Variants in PCDH11Y observed in about 807,000 individuals in gnomAD.
PCDH11Y encodes protocadherin 11 Y-linked, also known as protocadherin-11 Y-linked.
For synonymous variants in PCDH11Y, 9 were observed against 83.6 expected (o/e 0.11, Z 4.87); for missense variants, 12 against 224.8 (o/e 0.05, Z 6.05).
At chrY:5,243,945 G>C in intron 2 of PCDH11Y, among the ~76,000 whole-genome samples, 3 of 31,534 alleles carry the variant, frequency 9.5e-5, no homozygotes, top group South Asian at 7.1e-4. Context: ...TCTACAGAAA[G>C]TTCCATTCAA....
chrY:5,093,100 T>C, intron 1 of PCDH11Y, among the ~76,000 whole-genome samples: 3 of 33,221 alleles, frequency 9.0e-5, no homozygotes, highest in Admixed American at 8.3e-4. Context: ...TGGCAATGAA[T>C]ATCCTTTATC....
intron 2 of PCDH11Y, among the ~76,000 whole-genome samples, chrY:5,344,958 G>C (rs2053150500): frequency 2.9e-5 from 1 of 34,931 alleles, no homozygotes; most frequent in Non-Finnish European, 7.2e-5. Context: ...GCGCCACCGC[G>C]CCTGGCCACC....
chrY:5,220,410 C>CTTT, intron 2 of PCDH11Y, among the ~76,000 whole-genome samples: 23 of 13,684 alleles, frequency 1.7e-3, no homozygotes, highest in Admixed American at 7.1e-4. Context: ...GTATTATCTT[C>CTTT]TTTTTTTTTT....
intron 2 of PCDH11Y, among the ~76,000 whole-genome samples, chrY:5,123,400 C>A: frequency 3.1e-5 from 1 of 32,747 alleles, no homozygotes; most frequent in Admixed American, 2.9e-4. Flanking sequence ...ACAAACAAAA[C>A]TAGGAGACTG....
chrY:5,107,925 G>A (rs2124638161), downstream of PCDH11Y, among the ~76,000 whole-genome samples: 2 of 31,758 alleles, frequency 6.3e-5, no homozygotes, highest in Non-Finnish European at 1.5e-4. Flanking sequence ...CGGGCGTGGT[G>A]GCGGGCGCCT....
intron 2 of PCDH11Y, among the ~76,000 whole-genome samples, chrY:5,236,578 A>G: frequency 3.1e-5 from 1 of 32,576 alleles, no homozygotes; most frequent in Non-Finnish European, 7.5e-5. Flanking sequence ...TTCAAAAGTC[A>G]ATCTTGACAT....
chrY:5,299,369 T>C, intron 2 of PCDH11Y, among the ~76,000 whole-genome samples: 1 of 33,715 alleles, frequency 3.0e-5, no homozygotes, highest in South Asian at 6.4e-4. Flanking sequence ...ATGAATCATT[T>C]ATTAATTTGT....
At chrY:5,080,535 C>G in intron 1 of PCDH11Y, among the ~76,000 whole-genome samples, 1 of 32,621 alleles carries the variant, frequency 3.1e-5, no homozygotes, top group African/African-American at 1.2e-4. Context: ...TGGCCGGAAT[C>G]TGTATTTTGT....
At chrY:5,067,807 T>C in intron 1 of PCDH11Y, among the ~76,000 whole-genome samples, 1 of 30,869 alleles carries the variant, frequency 3.2e-5, no homozygotes, top group Admixed American at 3.1e-4. Flanking sequence ...GGTCAGGAGA[T>C]TGAGACCATC....
chrY:5,073,332 A>C (rs2052702913), intron 1 of PCDH11Y, among the ~76,000 whole-genome samples: 10 of 33,310 alleles, frequency 3.0e-4, no homozygotes. Context: ...CTAAGTCAAA[A>C]GCTTCGCTTT....
At chrY:5,625,995 T>C (rs2053506926) in intron 4 of PCDH11Y, among the ~76,000 whole-genome samples, 1 of 31,402 alleles carries the variant, frequency 3.2e-5, no homozygotes, top group Admixed American at 3.0e-4. Context: ...AGCTCTTCTC[T>C]ATACGTATGT....
chrY:5,368,739 G>A, intron 2 of PCDH11Y, among the ~76,000 whole-genome samples: 2 of 33,160 alleles, frequency 6.0e-5, no homozygotes, highest in African/African-American at 1.2e-4. Context: ...TGGAAAAGCC[G>A]CAGACACTCA....
At chrY:5,728,366 A>G in intron 4 of PCDH11Y, among the ~76,000 whole-genome samples, 1 of 33,426 alleles carries the variant, frequency 3.0e-5, no homozygotes, top group African/African-American at 1.2e-4. Context: ...ACTGTTATCT[A>G]AATTCTCTGT....
intron 2 of PCDH11Y, among the ~76,000 whole-genome samples, chrY:5,265,193 A>G: frequency 3.0e-5 from 1 of 33,317 alleles, no homozygotes; most frequent in Non-Finnish European, 7.4e-5. Context: ...ATATGAAGTT[A>G]AAACCAAGTA....
At chrY:5,035,898 GA>G (rs2052598453) in intron 3 of PCDH11Y, among the ~76,000 whole-genome samples, 1 of 28,894 alleles carries the variant, frequency 3.5e-5, no homozygotes, top group African/African-American at 1.3e-4. Context: ...TAAATTACAT[GA>G]AAAAAAATTT....
At chrY:5,660,567 A>T in intron 4 of PCDH11Y, among the ~76,000 whole-genome samples, 1 of 31,820 alleles carries the variant, frequency 3.1e-5, no homozygotes, top group Admixed American at 2.9e-4. Flanking sequence ...TACAATGTAA[A>T]GTCCCTAGGT....
chrY:5,125,745 ATG>A (rs755669346), intron 2 of PCDH11Y, among the ~76,000 whole-genome samples: 52 of 31,826 alleles, frequency 1.6e-3, no homozygotes, highest in African/African-American at 5.9e-3. Flanking sequence ...CTCTATGTGC[ATG>A]TGTGTGTGTG....
intron 3 of PCDH11Y, among the ~76,000 whole-genome samples, chrY:5,533,417 A>T: frequency 3.0e-5 from 1 of 33,652 alleles, no homozygotes; most frequent in Non-Finnish European, 7.3e-5. Flanking sequence ...ACATAATTTA[A>T]AGAATTTAAG....
chrY:5,567,142 A>T (rs2124695943), intron 3 of PCDH11Y, among the ~76,000 whole-genome samples: 1 of 31,310 alleles, frequency 3.2e-5, no homozygotes, highest in African/African-American at 1.2e-4. Flanking sequence ...TTTTTAAATA[A>T]TTTTTTCTGC....
Sources: gnomAD v4.1 joint callset for allele counts (sites outside exome capture counted in the v4.1 genomes callset) on GRCh38, gnomAD v4.1.1 for gene constraint, MANE v1.5 for transcripts, NCBI Gene and HGNC (gene_info 2026-07-23, HGNC 2026-07-21) for gene names.